FRYL: variants seen among roughly 807,000 people sequenced by gnomAD.
The protein encoded by FRYL is FRY like transcription coactivator.
FRYL carries 150 observed loss-of-function variants against 351.2 expected under a neutral mutation model. The ratio of observed to expected loss-of-function variants is 0.43; its 90% CI spans 0.37 to 0.49. The LOEUF is 0.49. Among genes scored for constraint, FRYL ranks in the 20% least tolerant of loss-of-function variants. The pLI is 0.00. For synonymous variants in FRYL, 1,153 were observed against 1,257.1 expected (o/e 0.92, Z 1.75); for missense variants, 3,036 against 3,619.3 (o/e 0.84, Z 4.13).
At chr4:48,546,713 T>A (rs1474150994) in intron 41 of FRYL, 4 of 160,802 alleles carry the variant, frequency 2.5e-5, no homozygotes, top group Non-Finnish European at 4.2e-5. Context: ...AATCATTTTT[T>A]AAAAAACTGT....
chr4:48,755,451 T>G (rs1460720965), intron 1 of FRYL, among the ~76,000 whole-genome samples: 2 of 152,226 alleles, frequency 1.3e-5, no homozygotes, highest in Non-Finnish European at 1.5e-5. Context: ...CATTAACTTT[T>G]GAGGTATGCC....
intron 60 of FRYL, among the ~76,000 whole-genome samples, chr4:48,504,251 A>G (rs963163229): frequency 2.6e-5 from 4 of 152,154 alleles, no homozygotes; most frequent in Non-Finnish European, 4.4e-5. Flanking sequence ...ATCAAATTGC[A>G]TAAAAAGCGT....
At chr4:48,762,309 G>A (rs1474726996) in intron 1 of FRYL, among the ~76,000 whole-genome samples, 2 of 152,154 alleles carry the variant, frequency 1.3e-5, no homozygotes, top group Admixed American at 6.5e-5. Context: ...AGAGCCTATT[G>A]TTTTGCAGGA....
intron 47 of FRYL, 142 bp downstream of exon 47, chr4:48,539,829 T>C (rs1324226773): frequency 1.5e-5 from 9 of 593,242 alleles, no homozygotes; most frequent in East Asian, 1.4e-4. Context: ...AAGTCCTTTA[T>C]GTGCATAAAA....
chr4:48,527,774 T>C, intron 52 of FRYL, 121 bp from the exon 53 acceptor site: 1 of 1,108,784 alleles, frequency 9.0e-7, no homozygotes, highest in Non-Finnish European at 1.3e-6. Flanking sequence ...CAGCTTAAAT[T>C]TGGTCTTCAT....
chr4:48,737,324 A>G lies in FRYL; in HGVS notation c.-383-26626T>C, dbSNP rs555299095. ...CAATAGTACAGATTCCATAAACATT[A>G]AAAGAATAATTAAGGAATACTATGA... On this transcript the variant is annotated intron_variant, in intron 1 of 63. Coordinates refer to ENST00000358350, the MANE Select transcript of FRYL (RefSeq NM_015030.2). 1.8e-4 allele frequency among the ~76,000 whole-genome samples: 28 copies of G among 152,104 alleles called. 1 individual carries two copies. The Middle Eastern group carries it at 0.014, about 74-fold the overall frequency.
intron 2 of FRYL, among the ~76,000 whole-genome samples, chr4:48,689,095 C>T (rs1474264481): frequency 6.6e-6 from 1 of 152,192 alleles, no homozygotes; most frequent in Non-Finnish European, 1.5e-5. Flanking sequence ...AATATTTGGG[C>T]TTCACTGCAA....
intron 1 of FRYL, among the ~76,000 whole-genome samples, chr4:48,769,810 A>C (rs962296462): frequency 1.3e-5 from 2 of 152,232 alleles, no homozygotes; most frequent in African/African-American, 4.8e-5. Flanking sequence ...TACTAAGTGA[A>C]AAAGTCAATC....
At chr4:48,545,650 T>C (rs1308024257) in intron 42 of FRYL, among the ~76,000 whole-genome samples, 1 of 152,206 alleles carries the variant, frequency 6.6e-6, no homozygotes, top group Non-Finnish European at 1.5e-5. Context: ...TCCTCACCAT[T>C]TCCAAACACA....
At chr4:48,655,496 T>C (rs1041984226) in intron 3 of FRYL, among the ~76,000 whole-genome samples, 1 of 151,836 alleles carries the variant, frequency 6.6e-6, no homozygotes, top group Admixed American at 6.6e-5. Context: ...TATGTCAACA[T>C]GCAAAATACT....
intron 42 of FRYL, 100 bp downstream of exon 42, chr4:48,545,967 A>T: frequency 9.6e-7 from 1 of 1,037,722 alleles, no homozygotes; most frequent in Non-Finnish European, 1.4e-6. Flanking sequence ...TTTCACATCA[A>T]TGGTATTTCA....
At chr4:48,760,525 G>C (rs965970035) in intron 1 of FRYL, among the ~76,000 whole-genome samples, 1 of 151,866 alleles carries the variant, frequency 6.6e-6, no homozygotes, top group Non-Finnish European at 1.5e-5. Context: ...CATGCCTTGT[G>C]TTTTTTTGTT....
Position 48,540,926 on chromosome 4 carries a change from A to G in FRYL, c.5722T>C (p.Tyr1908His), listed in dbSNP as rs1329471727. ...SYHDPIMGNK[Y>H]AANRKSTGQL... is the part of the protein sequence containing the mutation. ...CCAGTGCTTTTCCTGTTAGCTGCAT[A>G]CTTGTTTCCCATTATAGGATCATGA... Residue 1908 changes from tyrosine (Y) to histidine (H), a missense_variant, in exon 46 of 64, where the codon TAT becomes CAT. Physicochemically the swap from Tyr to His is moderately conservative, Grantham distance 83. Coordinates refer to ENST00000358350, the MANE Select transcript of FRYL (RefSeq NM_015030.2). 4 of 1,606,584 alleles carry G rather than the reference A, an allele frequency of 2.5e-6. No individual in the cohort carries two copies. The African/African-American group carries it at 5.4e-5, about 21-fold the overall frequency.
At chr4:48,550,365 T>G in intron 38 of FRYL, 1 of 494,966 alleles carries the variant, frequency 2.0e-6, no homozygotes, top group Non-Finnish European at 3.6e-6. Context: ...CCAGTTCTTA[T>G]GTTCCTTGTG....
At chr4:48,551,685 C>G in intron 36 of FRYL, 107 bp from the exon 37 acceptor site, 1 of 681,402 alleles carries the variant, frequency 1.5e-6, no homozygotes. Flanking sequence ...AAAATGAGAG[C>G]AAAGTCATTT....
In FRYL at chr4:48,620,845, T is replaced by C. The variant is rs1398603357; in HGVS notation, c.175-67A>G. The C allele has an allele frequency of 2.2e-6, 3 of 1,341,960 alleles. No homozygotes were observed. The African/African-American group carries it at 4.4e-5, about 20-fold the overall frequency. 83.1% of individuals were successfully genotyped at this position (1,341,960 alleles called of 1,614,324 possible). A position where few individuals can be genotyped will look rare whatever the true frequency, so the allele number is the denominator to read the frequency against. ...GAATGTACCACACTCTTAAGTTCTA[T>C]TAGCTATCATTTAGAAATGAATAAA... On this transcript the variant is annotated intron_variant, in intron 5 of 63. Transcript: ENST00000358350.
chr4:48,714,865 A>T (rs879078303), intron 1 of FRYL, among the ~76,000 whole-genome samples: 10 of 146,836 alleles, frequency 6.8e-5, no homozygotes, highest in African/African-American at 1.3e-4. Flanking sequence ...TTGATGCAAA[A>T]ATCCTCAATA....
intron 59 of FRYL, among the ~76,000 whole-genome samples, chr4:48,509,541 C>T (rs1275786721): frequency 2.0e-5 from 3 of 152,152 alleles, no homozygotes; most frequent in Non-Finnish European, 4.4e-5. Context: ...TCTTCTGTCC[C>T]TCCCAATTGA....
chr4:48,700,990 T>C (rs1346156515), intron 2 of FRYL, among the ~76,000 whole-genome samples: 1 of 152,140 alleles, frequency 6.6e-6, no homozygotes, highest in African/African-American at 2.4e-5. Context: ...GCTTATTTAA[T>C]CTTAGGCAAG....
Sources: gnomAD v4.1 joint callset for allele counts (sites outside exome capture counted in the v4.1 genomes callset) on GRCh38, gnomAD v4.1.1 for gene constraint, MANE v1.5 for transcripts, NCBI Gene and HGNC (gene_info 2026-07-23, HGNC 2026-07-21) for gene names.